Variants in AIM2 observed in about 807,000 individuals in gnomAD.
The protein encoded by AIM2 is absent in melanoma 2.
Under a neutral mutation model 27.7 loss-of-function variants are expected in AIM2, and 30 were observed. The ratio of observed to expected loss-of-function variants is 1.08; its 90% CI spans 0.81 to 1.47. The LOEUF is 1.47. Among genes scored for constraint, AIM2 ranks in the 40% most tolerant of loss-of-function variants. AIM2 has a pLI of 0.00. For synonymous variants in AIM2, 141 were observed against 145.3 expected, an observed-to-expected ratio of 0.97 and a Z score of 0.21; for missense variants, 358 against 411.3, an observed-to-expected ratio of 0.87 and a Z score of 1.12.
At chr1:159,120,780 C>T (rs1419350384) in intron 1 of AIM2, among the ~76,000 whole-genome samples, 1 of 152,142 alleles carries the variant, frequency 6.6e-6, no homozygotes, top group Admixed American at 6.5e-5. Flanking sequence ...GTTGTAAATA[C>T]ATTCTAGAGA....
At chr1:159,110,634 A>G (rs573081240) in intron 1 of AIM2, among the ~76,000 whole-genome samples, 1 of 152,318 alleles carries the variant, frequency 6.6e-6, no homozygotes, top group African/African-American at 2.4e-5. Context: ...AAATGACTTG[A>G]TAAGAGCAAT....
upstream of AIM2, among the ~76,000 whole-genome samples, chr1:159,079,944 G>A (rs1656737032): frequency 6.6e-6 from 1 of 152,108 alleles, no homozygotes; most frequent in Admixed American, 6.6e-5. Context: ...ACAGTATATA[G>A]CCTTTTCAGA....
At chr1:159,087,675 C>T (rs1020603942) in intron 1 of AIM2, among the ~76,000 whole-genome samples, 1 of 150,412 alleles carries the variant, frequency 6.6e-6, no homozygotes, top group African/African-American at 2.4e-5. Context: ...TGGGTTCAAG[C>T]GATTCTCATG....
intron 1 of AIM2, among the ~76,000 whole-genome samples, chr1:159,111,733 C>T (rs556079377): frequency 2.7e-5 from 4 of 145,496 alleles, no homozygotes; most frequent in Admixed American, 1.4e-4. Context: ...GAGGCCGAAG[C>T]GGGTGGATTG....
At chr1:159,103,018 G>T (rs530785676) in intron 1 of AIM2, among the ~76,000 whole-genome samples, 1 of 152,272 alleles carries the variant, frequency 6.6e-6, no homozygotes, top group Admixed American at 6.5e-5. Flanking sequence ...GTTTGCCTCT[G>T]GGTCCCCACC....
At chr1:159,094,862 T>C (rs79129191) in intron 1 of AIM2, among the ~76,000 whole-genome samples, 8,097 of 152,280 alleles carry the variant, frequency 0.053, 546 homozygotes, top group East Asian at 0.31. Context: ...TTGCTTTGTA[T>C]GTCTAATTTA....
chr1:159,097,247 A>G (rs2102014662), intron 1 of AIM2, among the ~76,000 whole-genome samples: 1 of 152,192 alleles, frequency 6.6e-6, no homozygotes, highest in South Asian at 2.1e-4. Context: ...TCACATACAT[A>G]TTTTATGTCA....
chr1:159,063,799 T>C, intron 4 of AIM2, 125 bp from the exon 5 acceptor site: 1 of 1,046,660 alleles, frequency 9.6e-7, no homozygotes, highest in South Asian at 1.6e-5. Context: ...CAACACAGAT[T>C]TTACCTGTGC....
chr1:159,138,696 G>A (rs924256034), intron 1 of AIM2, among the ~76,000 whole-genome samples: 10 of 152,170 alleles, frequency 6.6e-5, no homozygotes, highest in African/African-American at 2.2e-4. Flanking sequence ...CTCCCTGGAA[G>A]CTAGGAGTAA....
At chr1:159,140,895 A>T (rs1273584641), upstream of AIM2, among the ~76,000 whole-genome samples, 2 of 152,240 alleles carry the variant, frequency 1.3e-5, no homozygotes, top group African/African-American at 4.8e-5. Flanking sequence ...TCCTACAAAC[A>T]GAAAGGGGTA....
chr1:159,061,558 AT>A (rs945588968), downstream of AIM2, among the ~76,000 whole-genome samples: 478 of 83,110 alleles, frequency 5.8e-3, 3 homozygotes, highest in East Asian at 8.7e-3. Flanking sequence ...GTGCCCGGCT[AT>A]TTTTTTTTTT....
chr1:159,132,517 A>C (rs1042070197), intron 1 of AIM2, among the ~76,000 whole-genome samples: 4 of 152,078 alleles, frequency 2.6e-5, no homozygotes, highest in Non-Finnish European at 4.4e-5. Context: ...AAAAGAACGG[A>C]CTCAGACACA....
chr1:159,121,809 G>A (rs1165678074), intron 1 of AIM2, among the ~76,000 whole-genome samples: 3 of 152,154 alleles, frequency 2.0e-5, no homozygotes, highest in Non-Finnish European at 1.5e-5. Context: ...TTAAAATCAT[G>A]TCACTGAAAC....
intron 1 of AIM2, among the ~76,000 whole-genome samples, chr1:159,124,158 T>C (rs548119857): frequency 6.6e-6 from 1 of 152,326 alleles, no homozygotes; most frequent in Non-Finnish European, 1.5e-5. Flanking sequence ...ATATTTCTGC[T>C]CATTGCTTAC....
intron 1 of AIM2, among the ~76,000 whole-genome samples, chr1:159,082,111 T>C (rs985523709): frequency 3.3e-5 from 5 of 151,644 alleles, no homozygotes; most frequent in African/African-American, 1.2e-4. Context: ...TGAGAAAGAA[T>C]AGATCATATC....
chr1:159,120,500 C>T (rs1054809281), intron 1 of AIM2, among the ~76,000 whole-genome samples: 2 of 152,112 alleles, frequency 1.3e-5, no homozygotes, highest in South Asian at 2.1e-4. Flanking sequence ...CCTAAACTGT[C>T]GTCTCGTGCC....
intron 1 of AIM2, among the ~76,000 whole-genome samples, chr1:159,146,232 T>A (rs1194853392): frequency 1.3e-5 from 2 of 152,066 alleles, no homozygotes; most frequent in Admixed American, 1.3e-4. Flanking sequence ...TCATGTCCCA[T>A]CAGATCTTTC....
At chr1:159,124,413 G>T (rs1437653250) in intron 1 of AIM2, among the ~76,000 whole-genome samples, 1 of 152,150 alleles carries the variant, frequency 6.6e-6, no homozygotes, top group African/African-American at 2.4e-5. Context: ...TTGTTCTCTG[G>T]CCCTTTCTGG....
At chr1:159,077,548 A>G (rs186558213), upstream of AIM2, among the ~76,000 whole-genome samples, 1 of 152,318 alleles carries the variant, frequency 6.6e-6, no homozygotes, top group Non-Finnish European at 1.5e-5. Flanking sequence ...GTGCCTAAGT[A>G]GGAAGTTTGC....
Sources: allele counts gnomAD v4.1 joint callset (sites outside exome capture counted in the v4.1 genomes callset), GRCh38; gene constraint gnomAD v4.1.1; transcripts MANE v1.5; gene names NCBI Gene and HGNC (gene_info 2026-07-23, HGNC 2026-07-21).